TENM3: variants seen among roughly 807,000 people sequenced by gnomAD.
TENM3 encodes the protein teneurin-3.
TENM3 carries 63 observed loss-of-function variants against 255.1 expected under a neutral mutation model. The observed-to-expected ratio is 0.25, with a 90% CI of 0.20 to 0.30. The LOEUF is 0.30. TENM3 is among the 10% of genes least tolerant of loss of function. The probability of loss-of-function intolerance (pLI) is 1.00; values close to 1 mark genes in which losing one functional copy is unlikely to be tolerated. For missense variants in TENM3, 2,929 were observed against 3,461.1 expected (o/e 0.85, Z 3.86); for synonymous variants, 1,306 against 1,322.3 (o/e 0.99, Z 0.27).
At chr4:181,848,290 A>G in the TENM3 span, among the ~76,000 whole-genome samples, 1 of 152,158 alleles carries the variant, frequency 6.6e-6, no homozygotes, top group African/African-American at 2.4e-5. Flanking sequence ...TCATCTAGTG[A>G]CTCTTATTTT....
the TENM3 span, among the ~76,000 whole-genome samples, chr4:181,643,209 C>T: frequency 6.6e-6 from 1 of 152,240 alleles, no homozygotes; most frequent in Admixed American, 6.5e-5. Context: ...TTGTAGTTCT[C>T]CCTGAAGAGG....
At chr4:181,824,036 G>A in the TENM3 span, among the ~76,000 whole-genome samples, 1 of 152,102 alleles carries the variant, frequency 6.6e-6, no homozygotes, top group Non-Finnish European at 1.5e-5. Context: ...TACAGTTCCT[G>A]CTGAACATGC....
the TENM3 span, among the ~76,000 whole-genome samples, chr4:182,103,169 A>G: frequency 1.3e-5 from 2 of 152,252 alleles, no homozygotes; most frequent in African/African-American, 4.8e-5. Context: ...ATTAATCTGT[A>G]CAGTTCTAAG....
the TENM3 span, among the ~76,000 whole-genome samples, chr4:181,917,471 T>C: frequency 6.6e-6 from 1 of 152,066 alleles, no homozygotes; most frequent in Non-Finnish European, 1.5e-5. Context: ...TCTCATCTGT[T>C]TCTTGGAGAT....
At chr4:182,307,653 C>T (rs543548644) in intron 1 of TENM3, among the ~76,000 whole-genome samples, 7 of 152,252 alleles carry the variant, frequency 4.6e-5, no homozygotes, top group East Asian at 1.9e-4. Context: ...AAAGCAGAGC[C>T]GTGGTGGGCA....
chr4:182,202,156 A>C (rs1196259221), intron 1 of TENM3, among the ~76,000 whole-genome samples: 2 of 152,210 alleles, frequency 1.3e-5, no homozygotes, highest in Non-Finnish European at 2.9e-5. Flanking sequence ...AGTTGACTGG[A>C]AAGCCTGAGA....
chr4:182,153,401 G>A (rs182420947), intron 1 of TENM3, among the ~76,000 whole-genome samples: 1 of 152,188 alleles, frequency 6.6e-6, no homozygotes, highest in East Asian at 1.9e-4. Context: ...CAAAACAAGT[G>A]TCAGGTTTTA....
At chr4:182,026,985 T>C in the TENM3 span, among the ~76,000 whole-genome samples, 1 of 152,158 alleles carries the variant, frequency 6.6e-6, no homozygotes, top group Non-Finnish European at 1.5e-5. Context: ...TTGTTTTTTA[T>C]ATTTCTGTGA....
At chr4:182,496,767 GTAAGGAC>G (rs1560829869) in intron 3 of TENM3, among the ~76,000 whole-genome samples, 2 of 152,140 alleles carry the variant, frequency 1.3e-5, no homozygotes, top group African/African-American at 4.8e-5. Context: ...ATAAAAACCT[GTAAGGAC>G]AAATTGAGGC....
chr4:182,428,454 T>A (rs373653625), intron 3 of TENM3, among the ~76,000 whole-genome samples: 19 of 151,790 alleles, frequency 1.3e-4, no homozygotes, highest in African/African-American at 4.6e-4. Flanking sequence ...CCATTTTATC[T>A]CCACGTTCAC....
the TENM3 span, among the ~76,000 whole-genome samples, chr4:181,864,194 G>A: frequency 5.9e-5 from 9 of 152,172 alleles, no homozygotes; most frequent in Non-Finnish European, 1.5e-5. Context: ...ATTAGCCTCT[G>A]TGAAACTGCA....
the TENM3 span, among the ~76,000 whole-genome samples, chr4:181,466,121 TGTTTTG>T: frequency 6.1e-5 from 9 of 148,032 alleles, no homozygotes; most frequent in South Asian, 1.9e-3. Flanking sequence ...TTTTTTTTTT[TGTTTTG>T]TTTTTTTGAG....
the TENM3 span, among the ~76,000 whole-genome samples, chr4:181,510,214 A>G: frequency 6.6e-6 from 1 of 152,234 alleles, no homozygotes; most frequent in Non-Finnish European, 1.5e-5. Context: ...TTCACAGCAG[A>G]AAATATTTTT....
At chr4:181,617,360 C>T in the TENM3 span, among the ~76,000 whole-genome samples, 8 of 152,174 alleles carry the variant, frequency 5.3e-5, no homozygotes, top group Middle Eastern at 3.4e-3. Flanking sequence ...AGTAACTATA[C>T]GGGGTGATGT....
chr4:181,525,352 A>G, the TENM3 span, among the ~76,000 whole-genome samples: 1 of 147,464 alleles, frequency 6.8e-6, no homozygotes, highest in African/African-American at 2.5e-5. Flanking sequence ...AGCCGAGATC[A>G]CGCCACTACA....
intron 3 of TENM3, among the ~76,000 whole-genome samples, chr4:182,582,339 C>G (rs994121315): frequency 6.6e-6 from 1 of 152,170 alleles, no homozygotes; most frequent in Non-Finnish European, 1.5e-5. Context: ...TACTCTGTGA[C>G]CATTGCCAGA....
chr4:181,965,046 T>TA, the TENM3 span, among the ~76,000 whole-genome samples: 1 of 152,124 alleles, frequency 6.6e-6, no homozygotes, highest in East Asian at 1.9e-4. Context: ...TTTCTGAAAC[T>TA]AAAAAATCCT....
the TENM3 span, among the ~76,000 whole-genome samples, chr4:181,971,041 G>A: frequency 1.3e-5 from 2 of 152,196 alleles, no homozygotes; most frequent in African/African-American, 2.4e-5. Flanking sequence ...TCGAACTCCT[G>A]GGCTCAAGTG....
the TENM3 span, among the ~76,000 whole-genome samples, chr4:181,741,110 T>A: frequency 1.3e-5 from 2 of 152,244 alleles, no homozygotes; most frequent in Non-Finnish European, 2.9e-5. Flanking sequence ...GCTTCTTGAC[T>A]GTAAGATCTT....
Sources: allele counts gnomAD v4.1 joint callset (sites outside exome capture counted in the v4.1 genomes callset), GRCh38; gene constraint gnomAD v4.1.1; transcripts MANE v1.5; gene names NCBI Gene and HGNC (gene_info 2026-07-23, HGNC 2026-07-21).